TENM2: variants seen among roughly 807,000 people sequenced by gnomAD.
TENM2 encodes the protein teneurin-2.
TENM2 carries 52 observed loss-of-function variants against 245.2 expected under a neutral mutation model. The observed-to-expected ratio is 0.21, with a 90% CI of 0.17 to 0.27. The LOEUF (loss-of-function observed/expected upper bound fraction) is 0.27. Among genes scored for constraint, TENM2 ranks in the 10% least tolerant of loss-of-function variants. The pLI, the probability that TENM2 is intolerant of heterozygous loss-of-function variation, is 1.00. For missense variants in TENM2, 3,046 were observed against 3,666.8 expected (o/e 0.83, Z 4.37); for synonymous variants, 1,363 against 1,438.9 (o/e 0.95, Z 1.19).
chr5:168,094,571 G>C (rs1190831523), intron 8 of TENM2, among the ~76,000 whole-genome samples: 1 of 151,998 alleles, frequency 6.6e-6, no homozygotes, highest in Non-Finnish European at 1.5e-5. Flanking sequence ...TTCTACAGCA[G>C]GGGTCCTCAA....
chr5:166,990,106 G>A, the TENM2 span, among the ~76,000 whole-genome samples: 2 of 152,046 alleles, frequency 1.3e-5, no homozygotes, highest in Non-Finnish European at 2.9e-5. Context: ...TTATAAATTA[G>A]TAATAAATAA....
chr5:168,135,765 A>G (rs1254076521), intron 12 of TENM2, among the ~76,000 whole-genome samples: 3 of 152,184 alleles, frequency 2.0e-5, no homozygotes, highest in Non-Finnish European at 2.9e-5. Context: ...TTAAAAACAT[A>G]TTTTCATTGT....
the TENM2 span, among the ~76,000 whole-genome samples, chr5:167,142,792 C>T: frequency 6.6e-6 from 1 of 152,254 alleles, no homozygotes; most frequent in Non-Finnish European, 1.5e-5. Context: ...CTTCGTGATC[C>T]GTCCACCTTG....
the TENM2 span, among the ~76,000 whole-genome samples, chr5:167,022,079 C>A: frequency 6.6e-6 from 1 of 152,150 alleles, no homozygotes; most frequent in African/African-American, 2.4e-5. Context: ...CACCCATATT[C>A]AAGGGTCTTC....
At chr5:167,557,761 G>A (rs1010660608) in intron 2 of TENM2, among the ~76,000 whole-genome samples, 22 of 152,080 alleles carry the variant, frequency 1.4e-4, no homozygotes, top group Admixed American at 9.8e-4. Context: ...CTGGCATCTC[G>A]TGGATCCAGG....
In TENM2 at chr5:167,311,989, A is replaced by T. The variant is rs187645007; in HGVS notation, c.226+26926A>T. On this transcript the variant is annotated intron_variant, in intron 1 of 28. Transcript: ENST00000518659. ...AGGGGGAATTTTTTAAGGTCATATG[A>T]CTATCCCTTAAACCTCAATTTCTTT... Among the ~76,000 whole-genome samples the T allele has an allele frequency of 3.2e-3, 487 of 152,266 alleles. 1 individual carries two copies. Among genetic ancestry groups the T allele is most frequent in the African/African-American group, 0.011 (453 of 41,540 alleles).
At position 168,163,218 on chromosome 5, in the gene TENM2, C is replaced by T. The variant is rs574443086; in HGVS notation, c.2569+461C>T. Among the ~76,000 whole-genome samples the T allele has an allele frequency of 6.4e-4, 98 of 152,280 alleles. 1 individual carries two copies. The highest frequency in any genetic ancestry group is 2.1e-3 in the African/African-American group (88 of 41,556). Reference sequence around the variant, plus strand: ...CTGAAGAGTGATTAAGTAACTTTTTCGAGATAATCCAACCACCATTAGTAA... The same window carrying T: ...CTGAAGAGTGATTAAGTAACTTTTTTGAGATAATCCAACCACCATTAGTAA... On this transcript the variant is annotated intron_variant, in intron 13 of 28. Coordinates refer to ENST00000518659, the Ensembl canonical transcript of TENM2.
At chr5:167,495,568 A>G (rs974539246) in intron 2 of TENM2, among the ~76,000 whole-genome samples, 3 of 152,110 alleles carry the variant, frequency 2.0e-5, no homozygotes, top group Admixed American at 2.0e-4. Flanking sequence ...TTGGGAAATA[A>G]TGCATATTAA....
intron 2 of TENM2, among the ~76,000 whole-genome samples, chr5:167,748,962 G>T (rs1469501743): frequency 6.6e-6 from 1 of 152,010 alleles, no homozygotes; most frequent in Admixed American, 6.6e-5. Flanking sequence ...GCCTAGGCTG[G>T]TCTCAAATCC....
chr5:167,352,526 T>C (rs1343336293), intron 1 of TENM2, among the ~76,000 whole-genome samples: 1 of 152,206 alleles, frequency 6.6e-6, no homozygotes, highest in Non-Finnish European at 1.5e-5. Flanking sequence ...ATTTGTAAAA[T>C]AAATTTACAA....
intron 3 of TENM2, among the ~76,000 whole-genome samples, chr5:167,945,225 A>T (rs959983234): frequency 6.6e-6 from 1 of 152,198 alleles, no homozygotes; most frequent in Non-Finnish European, 1.5e-5. Context: ...GGAGGCACTC[A>T]TGATCTAGTG....
intron 4 of TENM2, among the ~76,000 whole-genome samples, chr5:167,954,026 A>G (rs944314725): frequency 6.6e-6 from 1 of 152,242 alleles, no homozygotes; most frequent in East Asian, 1.9e-4. Flanking sequence ...AACCTAAGCT[A>G]ATAAATATCC....
At chr5:167,003,215 T>C in the TENM2 span, among the ~76,000 whole-genome samples, 1 of 152,178 alleles carries the variant, frequency 6.6e-6, no homozygotes, top group Non-Finnish European at 1.5e-5. Flanking sequence ...ACAGACATGA[T>C]AAAATCTTGC....
At chr5:168,254,955 G>A (rs1284460754) in intron 27 of TENM2, among the ~76,000 whole-genome samples, 1 of 151,952 alleles carries the variant, frequency 6.6e-6, no homozygotes, top group Non-Finnish European at 1.5e-5. Context: ...GCTGAGGCAG[G>A]AGAATCTCTT....
At chr5:167,983,701 A>T (rs1331559944) in intron 4 of TENM2, among the ~76,000 whole-genome samples, 1 of 152,182 alleles carries the variant, frequency 6.6e-6, no homozygotes, top group Non-Finnish European at 1.5e-5. Context: ...GATTTTAAAA[A>T]CTGTAAGTCC....
chr5:167,130,302 G>A, the TENM2 span, among the ~76,000 whole-genome samples: 2 of 152,160 alleles, frequency 1.3e-5, no homozygotes, highest in Admixed American at 1.3e-4. Context: ...CTAATGGAGG[G>A]ATTTCCTGAG....
At chr5:167,158,906 T>TCCTTCCTC in the TENM2 span, among the ~76,000 whole-genome samples, 4 of 128,408 alleles carry the variant, frequency 3.1e-5, no homozygotes, top group Non-Finnish European at 6.5e-5. Context: ...CTTCCTTCCT[T>TCCTTCCTC]CCTCTTCCTC....
chr5:167,076,518 T>C, the TENM2 span, among the ~76,000 whole-genome samples: 1 of 152,182 alleles, frequency 6.6e-6, no homozygotes, highest in African/African-American at 2.4e-5. Context: ...TTTTAGGCAA[T>C]GCATCCTGCT....
intron 2 of TENM2, among the ~76,000 whole-genome samples, chr5:167,729,452 A>G (rs1378351813): frequency 6.6e-6 from 1 of 152,224 alleles, no homozygotes; most frequent in Non-Finnish European, 1.5e-5. Context: ...CTTTATTGAA[A>G]TTAATACCCT....
Sources: allele counts gnomAD v4.1 joint callset (sites outside exome capture counted in the v4.1 genomes callset), GRCh38; gene constraint gnomAD v4.1.1; transcripts MANE v1.5; gene names NCBI Gene and HGNC (gene_info 2026-07-23, HGNC 2026-07-21).